The following PPARGC1A variants were observed in gnomAD, a reference collection of about 807,000 sequenced individuals.
PPARGC1A encodes peroxisome proliferator-activated receptor gamma coactivator 1-alpha.
Under a neutral mutation model 88.7 loss-of-function variants are expected in PPARGC1A, and 25 were observed. The ratio of observed to expected loss-of-function variants is 0.28; its 90% CI spans 0.21 to 0.39. The LOEUF (loss-of-function observed/expected upper bound fraction) is 0.39. Among genes scored for constraint, PPARGC1A ranks in the 10% least tolerant of loss-of-function variants. The pLI, the probability that PPARGC1A is intolerant of heterozygous loss-of-function variation, is 1.00. For synonymous variants in PPARGC1A, 363 were observed against 355.6 expected (o/e 1.02, Z -0.24); for missense variants, 880 against 968.7 (o/e 0.91, Z 1.22).
chr4:24,219,581 A>C, the PPARGC1A span, among the ~76,000 whole-genome samples: 1 of 152,176 alleles, frequency 6.6e-6, no homozygotes, highest in East Asian at 1.9e-4. Context: ...AGTTGTCTCC[A>C]TTATTCTCTT....
the PPARGC1A span, among the ~76,000 whole-genome samples, chr4:23,986,668 G>A: frequency 6.6e-6 from 1 of 152,018 alleles, no homozygotes; most frequent in Non-Finnish European, 1.5e-5. Context: ...TTTAGTAGTA[G>A]ATAATGAAAT....
At chr4:24,336,040 A>C in the PPARGC1A span, among the ~76,000 whole-genome samples, 1,297 of 151,984 alleles carry the variant, frequency 8.5e-3, 16 homozygotes, top group Non-Finnish European at 7.5e-3. Context: ...CTATTTCTTC[A>C]CTTTTTTTCC....
the PPARGC1A span, among the ~76,000 whole-genome samples, chr4:23,989,832 T>C: frequency 6.6e-6 from 1 of 151,584 alleles, no homozygotes; most frequent in Non-Finnish European, 1.5e-5. Context: ...TTTAAAATGA[T>C]TTAAAAGAAA....
At chr4:24,191,465 A>G in the PPARGC1A span, among the ~76,000 whole-genome samples, 12 of 152,298 alleles carry the variant, frequency 7.9e-5, no homozygotes, top group East Asian at 1.5e-3. Flanking sequence ...TTTTTCCATT[A>G]TACGATAATG....
At chr4:24,190,189 G>T in the PPARGC1A span, among the ~76,000 whole-genome samples, 1 of 152,120 alleles carries the variant, frequency 6.6e-6, no homozygotes, top group South Asian at 2.1e-4. Context: ...TCCACCCATG[G>T]ATACAACAGG....
At chr4:24,133,519 C>T in the PPARGC1A span, among the ~76,000 whole-genome samples, 26 of 152,274 alleles carry the variant, frequency 1.7e-4, 1 homozygote, top group East Asian at 4.6e-3. Context: ...GATTTTGTTT[C>T]GTTATCACGT....
chr4:24,131,293 C>T, the PPARGC1A span, among the ~76,000 whole-genome samples: 18 of 152,302 alleles, frequency 1.2e-4, no homozygotes, highest in African/African-American at 2.2e-4. Flanking sequence ...TCTGCTGGTT[C>T]GTCCAAAAGC....
At chr4:24,359,607 G>T in the PPARGC1A span, among the ~76,000 whole-genome samples, 1 of 152,146 alleles carries the variant, frequency 6.6e-6, no homozygotes, top group Non-Finnish European at 1.5e-5. Flanking sequence ...TGTCTTTGCA[G>T]ATAGAATCAA....
At chr4:24,021,873 C>T in the PPARGC1A span, among the ~76,000 whole-genome samples, 74 of 152,270 alleles carry the variant, frequency 4.9e-4, 1 homozygote, top group Middle Eastern at 0.024. Flanking sequence ...AGTGGGGAGC[C>T]CATTAAAATG....
At chr4:24,081,596 T>C in the PPARGC1A span, among the ~76,000 whole-genome samples, 2 of 152,110 alleles carry the variant, frequency 1.3e-5, no homozygotes, top group Admixed American at 1.3e-4. Context: ...TTGTTGGGGT[T>C]GGTAGGAGAA....
the PPARGC1A span, among the ~76,000 whole-genome samples, chr4:24,396,840 T>G: frequency 6.6e-6 from 1 of 152,072 alleles, no homozygotes; most frequent in African/African-American, 2.4e-5. Context: ...ACTAAAGAAG[T>G]CTATAGACTC....
At chr4:24,403,585 A>G in the PPARGC1A span, among the ~76,000 whole-genome samples, 1 of 152,214 alleles carries the variant, frequency 6.6e-6, no homozygotes, top group South Asian at 2.1e-4. Flanking sequence ...ATGTGACAGC[A>G]TAAGACCAGA....
At chr4:24,356,419 G>A in the PPARGC1A span, among the ~76,000 whole-genome samples, 3 of 152,042 alleles carry the variant, frequency 2.0e-5, no homozygotes, top group South Asian at 2.1e-4. Context: ...CTCTGTTCAC[G>A]GACATTAACC....
intron 7 of PPARGC1A, among the ~76,000 whole-genome samples, chr4:23,822,023 T>G (rs1723094493): frequency 6.6e-6 from 1 of 152,154 alleles, no homozygotes; most frequent in Non-Finnish European, 1.5e-5. Context: ...TACTGGCAAT[T>G]TTATTTTTCA....
the PPARGC1A span, among the ~76,000 whole-genome samples, chr4:24,030,968 AGAT>A: frequency 1.3e-5 from 2 of 152,170 alleles, no homozygotes; most frequent in African/African-American, 2.4e-5. Flanking sequence ...GGAAGCAGAC[AGAT>A]ATGCAGATGA....
At chr4:24,197,848 GGGTTT>G in the PPARGC1A span, among the ~76,000 whole-genome samples, 1 of 152,140 alleles carries the variant, frequency 6.6e-6, no homozygotes, top group Non-Finnish European at 1.5e-5. Context: ...TTTAGCTGTA[GGGTTT>G]GGTTTTGTGA....
the PPARGC1A span, among the ~76,000 whole-genome samples, chr4:24,052,184 T>C: frequency 6.6e-6 from 1 of 152,150 alleles, no homozygotes; most frequent in Non-Finnish European, 1.5e-5. Context: ...ATGTGTCAGT[T>C]TGAGCTTGAC....
the PPARGC1A span, among the ~76,000 whole-genome samples, chr4:23,928,110 T>G: frequency 6.6e-6 from 1 of 152,116 alleles, no homozygotes; most frequent in Admixed American, 6.6e-5. Flanking sequence ...AACCCCGGTC[T>G]GATGCATCAA....
the PPARGC1A span, among the ~76,000 whole-genome samples, chr4:24,248,191 C>A: frequency 6.6e-6 from 1 of 152,042 alleles, no homozygotes; most frequent in Non-Finnish European, 1.5e-5. Flanking sequence ...GTGGCGTTAT[C>A]TCGGCTCACT....
Sources: allele counts gnomAD v4.1 joint callset (sites outside exome capture counted in the v4.1 genomes callset), GRCh38; gene constraint gnomAD v4.1.1; transcripts MANE v1.5; gene names NCBI Gene and HGNC (gene_info 2026-07-23, HGNC 2026-07-21).